Variants in FAM120A observed in about 807,000 individuals in gnomAD.
FAM120A encodes constitutive coactivator of PPAR-gamma-like protein 1.
FAM120A carries 15 observed loss-of-function variants against 109.7 expected under a neutral mutation model. The observed-to-expected ratio is 0.14, with a 90% CI of 0.09 to 0.21. The LOEUF is 0.21. FAM120A is among the 10% of genes least tolerant of loss of function. The probability of loss-of-function intolerance (pLI) is 1.00; values close to 1 mark genes in which losing one functional copy is unlikely to be tolerated. For synonymous variants in FAM120A, 493 were observed against 572.8 expected, an observed-to-expected ratio of 0.86 and a Z score of 1.99; for missense variants, 899 against 1,439.3, an observed-to-expected ratio of 0.62 and a Z score of 6.07.
At chr9:93,520,826 C>A (rs1481997433) in intron 7 of FAM120A, among the ~76,000 whole-genome samples, 1 of 152,226 alleles carries the variant, frequency 6.6e-6, no homozygotes, top group Non-Finnish European at 1.5e-5. Context: ...CAGATGGCAG[C>A]AGATCAGGAA....
intron 5 of FAM120A, among the ~76,000 whole-genome samples, chr9:93,511,073 A>T (rs2258456): frequency 2.7e-5 from 4 of 150,668 alleles, no homozygotes; most frequent in African/African-American, 9.9e-5. Flanking sequence ...AACTGCTCTC[A>T]TTCTTAGAAA....
chr9:93,480,412 C>G (rs947418284), intron 3 of FAM120A, among the ~76,000 whole-genome samples: 2 of 152,082 alleles, frequency 1.3e-5, no homozygotes, highest in African/African-American at 4.8e-5. Flanking sequence ...GGCTGGAGTG[C>G]GACCTCTGTC....
intron 2 of FAM120A, among the ~76,000 whole-genome samples, chr9:93,475,884 A>G (rs1307337724): frequency 6.6e-6 from 1 of 152,254 alleles, no homozygotes; most frequent in Non-Finnish European, 1.5e-5. Flanking sequence ...TCATGAACAG[A>G]TGAAAGCTTG....
chr9:93,498,336 T>A lies in FAM120A; in HGVS notation c.934-454T>A, dbSNP rs1859660063. On this transcript the variant is annotated intron_variant, in intron 4 of 17. Transcript: ENST00000277165. The surrounding 1 kb of genome is among the most constrained non-coding windows in gnomAD (Gnocchi z 4.4). Reference sequence around the variant, plus strand: ...TGAAACCGTAAGGCAGAGGCTGCAGTGAGCGGAGATCATGCCACCGCACTC... The same window carrying A: ...TGAAACCGTAAGGCAGAGGCTGCAGAGAGCGGAGATCATGCCACCGCACTC... Among the ~76,000 whole-genome samples, 1 of 152,194 alleles carries A rather than the reference T, an allele frequency of 6.6e-6. No individual in the cohort carries two copies. Among genetic ancestry groups the A allele is most frequent in the Admixed American group, 6.5e-5 (1 of 15,284 alleles).
intron 16 of FAM120A, 59 bp downstream of exon 16, chr9:93,561,309 G>C: frequency 6.6e-7 from 1 of 1,508,048 alleles, no homozygotes; most frequent in Non-Finnish European, 8.8e-7. Context: ...CTTCTAACTT[G>C]CTTTTTTTTG....
At chr9:93,491,460 G>T (rs1243646834) in intron 3 of FAM120A, among the ~76,000 whole-genome samples, 5 of 152,184 alleles carry the variant, frequency 3.3e-5, no homozygotes, top group Non-Finnish European at 5.9e-5. Context: ...GAAATGATGA[G>T]GAGATTTGGG....
chr9:93,530,085 T>C (rs1273931250), intron 9 of FAM120A: 1 of 176,998 alleles, frequency 5.6e-6, no homozygotes, highest in East Asian at 1.6e-4. Flanking sequence ...AAAAATATAA[T>C]ACAGGATTTT....
intron 3 of FAM120A, among the ~76,000 whole-genome samples, chr9:93,493,339 C>T (rs969028534): frequency 6.6e-6 from 1 of 152,160 alleles, no homozygotes; most frequent in African/African-American, 2.4e-5. Flanking sequence ...TGTTTTAAAC[C>T]TTCCCATCCA....
At chr9:93,464,253 C>T (rs1343204426) in intron 1 of FAM120A, among the ~76,000 whole-genome samples, 1 of 152,102 alleles carries the variant, frequency 6.6e-6, no homozygotes, top group African/African-American at 2.4e-5. Context: ...TGTAAAAGTC[C>T]TGAGTTTTGA....
intron 2 of FAM120A, among the ~76,000 whole-genome samples, chr9:93,474,087 A>AAACC (rs34287918): frequency 3.1e-5 from 1 of 32,694 alleles, no homozygotes; most frequent in Non-Finnish European, 5.7e-5. Flanking sequence ...AATAAATGAA[A>AAACC]AAATCAATTG....
At chr9:93,474,237 G>A (rs957851582) in intron 2 of FAM120A, among the ~76,000 whole-genome samples, 2 of 152,020 alleles carry the variant, frequency 1.3e-5, no homozygotes, top group Non-Finnish European at 1.5e-5. Context: ...GCCTAGGCTG[G>A]AGTGCAGTGG....
Position 93,564,529 on chromosome 9 carries a change from A to G in FAM120A, c.3346A>G (p.Lys1116Glu), listed in dbSNP as rs758730675. The G allele has an allele frequency of 6.2e-7, 1 of 1,605,778 alleles. No individual in the cohort carries two copies. The highest frequency in any genetic ancestry group is 1.3e-5 in the African/African-American group (1 of 74,528). Residue 1116 changes from lysine to glutamate, a missense_variant, in exon 18 of 18, where the codon AAA becomes GAA. Physicochemically the swap from Lys to Glu is moderately conservative, Grantham distance 56 (BLOSUM62 1). This residue lies in a region of FAM120A where 170 missense variants were observed against 205.0 expected (regional missense o/e 0.83). Transcript: ENST00000277165. ...EAALEAAVLN[K>E]EE is the part of the protein sequence containing the mutation. ...TGCTCTGGAGGCAGCTGTCTTAAAT[A>G]AAGAAGAGTAAACTTATTTTTTATA...
At chr9:93,548,352 C>T (rs903971890) in intron 11 of FAM120A, among the ~76,000 whole-genome samples, 1 of 152,124 alleles carries the variant, frequency 6.6e-6, no homozygotes, top group Non-Finnish European at 1.5e-5. Flanking sequence ...CCTCGTGATC[C>T]TCCTGCCTCA....
At position 93,476,313 on chromosome 9, in the gene FAM120A, C is replaced by G; in HGVS notation, c.779C>G (p.Pro260Arg). The change falls in exon 3 of 18, where the codon CCA (proline) becomes CGA (arginine). Residue 260 changes from proline to arginine, a missense_variant. Physicochemically the swap from Pro to Arg is moderately radical, Grantham distance 103 (BLOSUM62 -2). Around this residue, in one of 11 missense-constraint regions of FAM120A, gnomAD observed 258 missense variants for 451.4 expected, o/e 0.57. Transcript: ENST00000277165. The part of the protein sequence containing the change: ...LASFHWSLLG[P>R]EHPLASLKVR... ...TCCTTTCACTGGAGTTTACTTGGTC[C>G]AGAACATCCACTAGCCTCACTAAAG... 1 of 1,608,004 alleles carries G rather than the reference C, an allele frequency of 6.2e-7. No individual in the cohort carries two copies. Among genetic ancestry groups the G allele is most frequent in the Non-Finnish European group, 8.5e-7 (1 of 1,174,800 alleles).
chr9:93,507,581 G>A (rs953923148), intron 5 of FAM120A, among the ~76,000 whole-genome samples: 1 of 152,152 alleles, frequency 6.6e-6, no homozygotes, highest in Non-Finnish European at 1.5e-5. Context: ...GGAGGATAAA[G>A]AGATGGCGCC....
At chr9:93,474,542 T>A (rs1858463243) in intron 2 of FAM120A, among the ~76,000 whole-genome samples, 1 of 152,200 alleles carries the variant, frequency 6.6e-6, no homozygotes, top group Non-Finnish European at 1.5e-5. Context: ...TGGAGTTGCC[T>A]TAATATTATT....
chr9:93,561,200 C>T lies in FAM120A; in HGVS notation c.2898C>T (p.Gly966=). 1.1e-5 allele frequency: 18 copies of T among 1,613,366 alleles called. 1 individual carries two copies. Among genetic ancestry groups the T allele is most frequent in the Non-Finnish European group, 1.5e-5 (18 of 1,179,862 alleles). ...CTGGGAGCAGGCGGGGCCGTGGGGG[C>T]CGGGGGCCTTTCCCCCTGCAGGTGG... The part of the protein sequence containing the change: ...HWAGSRRGRG[G]RGPFPLQVVS... Residue 966 remains glycine, a synonymous_variant, in exon 16 of 18, where the codon GGC becomes GGT. Transcript: ENST00000277165.
chr9:93,497,862 C>T (rs1316830321), intron 4 of FAM120A, among the ~76,000 whole-genome samples: 2 of 152,206 alleles, frequency 1.3e-5, no homozygotes, highest in Non-Finnish European at 2.9e-5. Context: ...TTCAGTTAGA[C>T]GGTTGGTGAG....
Position 93,476,335 on chromosome 9 carries a change from A to G in FAM120A, c.801A>G (p.Leu267=). The G allele has an allele frequency of 1.3e-6, 2 of 1,588,292 alleles. No individual in the cohort carries two copies. The highest frequency in any genetic ancestry group is 4.5e-5 in the East Asian group (2 of 44,614). ...GTCCAGAACATCCACTAGCCTCACT[A>G]AAGGTACAAATTTCACTTTATTTTT... ...LLGPEHPLAS[L]KVRAHQLVLP... is the part of the protein sequence containing the mutation. The change falls in exon 3 of 18, where the codon CTA becomes CTG. Residue 267 remains leucine (L), a synonymous_variant. Transcript: ENST00000277165.
Sources: allele counts gnomAD v4.1 joint callset (sites outside exome capture counted in the v4.1 genomes callset), GRCh38; gene constraint gnomAD v4.1.1; regional missense constraint gnomAD v4.1.1; non-coding constraint Gnocchi (gnomAD v3.1); transcripts MANE v1.5; gene names NCBI Gene and HGNC (gene_info 2026-07-23, HGNC 2026-07-21).